Variants in BCR observed in about 807,000 individuals in gnomAD.
BCR encodes breakpoint cluster region protein.
Under a neutral mutation model 138.6 loss-of-function variants are expected in BCR, and 58 were observed. The observed-to-expected ratio is 0.42, with a 90% CI of 0.34 to 0.52. The LOEUF (loss-of-function observed/expected upper bound fraction) is 0.52, where lower values mean the gene tolerates loss of function less well. Among genes scored for constraint, BCR ranks in the 20% least tolerant of loss-of-function variants. The probability of loss-of-function intolerance (pLI) is 0.06; values close to 1 mark genes in which losing one functional copy is unlikely to be tolerated. For synonymous variants in BCR, 786 were observed against 730.1 expected, an observed-to-expected ratio of 1.08 and a Z score of -1.23; for missense variants, 1,599 against 1,727.2, an observed-to-expected ratio of 0.93 and a Z score of 1.32.
Position 23,222,345 on chromosome 22 carries a change from C to T in BCR, c.1280-31454C>T, listed in dbSNP as rs377316875. The stretch of plus-strand genomic sequence containing the variant: ...TAAGGCATAGAAAACTGTCTGATTC[C>T]GGCCGAGTTTCCAGGCTAAGTGGGA... On this transcript the variant is annotated intron_variant, in intron 1 of 22. Coordinates refer to ENST00000305877, the MANE Select transcript of BCR (RefSeq NM_004327.4). Among the ~76,000 whole-genome samples, 83 of 152,282 alleles carry T rather than the reference C, an allele frequency of 5.5e-4. No individual in the cohort carries two copies. In the East Asian group the frequency reaches 0.014, roughly 25 times the overall value.
intron 1 of BCR, among the ~76,000 whole-genome samples, chr22:23,206,967 C>G (rs867912931): frequency 2.0e-5 from 3 of 147,334 alleles, no homozygotes; most frequent in Non-Finnish European, 3.0e-5. Flanking sequence ...CCCTCCCTCC[C>G]TCCCTCCATC....
intron 8 of BCR, among the ~76,000 whole-genome samples, chr22:23,275,691 G>T (rs552950494): frequency 6.6e-6 from 1 of 152,334 alleles, no homozygotes; most frequent in East Asian, 1.9e-4. Flanking sequence ...AGTCCACACA[G>T]ATCTAAGTGG....
intron 1 of BCR, among the ~76,000 whole-genome samples, chr22:23,227,926 G>A (rs1424675465): frequency 6.6e-6 from 1 of 152,170 alleles, no homozygotes; most frequent in Non-Finnish European, 1.5e-5. Context: ...GAATGGTTAG[G>A]GGTATGGGGG....
In BCR at chr22:23,181,997, C is replaced by T. The variant is rs140119537; in HGVS notation, c.1037C>T (p.Ser346Phe). The T allele has an allele frequency of 7.2e-5, 116 of 1,613,322 alleles. No homozygotes were observed. Among genetic ancestry groups the T allele is most frequent in the Non-Finnish European group, 9.4e-5 (111 of 1,179,900 alleles). The change falls in exon 1 of 23, where the codon TCC (serine) becomes TTC (phenylalanine). Residue 346 changes from serine to phenylalanine, a missense_variant. This residue lies in a region of BCR where 806 missense variants were observed against 635.0 expected (regional missense o/e 1.27). Transcript: ENST00000305877. ...CTCACCTCCAGCGAGGAGGACTTCT[C>T]CTCTGGCCAGTCCAGCCGCGTGTCC... ...ENLTSSEEDF[S>F]SGQSSRVSPS...
At chr22:23,220,846 T>C (rs772683281) in intron 1 of BCR, among the ~76,000 whole-genome samples, 4 of 152,126 alleles carry the variant, frequency 2.6e-5, no homozygotes, top group Non-Finnish European at 5.9e-5. Context: ...TCCAGGGAGA[T>C]TTATTTCATG....
intron 1 of BCR, among the ~76,000 whole-genome samples, chr22:23,248,559 C>T (rs1381879091): frequency 1.3e-5 from 2 of 151,962 alleles, no homozygotes; most frequent in African/African-American, 4.8e-5. Flanking sequence ...TTTTGGCTGC[C>T]CTTTTTCCTT....
chr22:23,184,816 C>T (rs958678548), intron 1 of BCR, among the ~76,000 whole-genome samples: 4 of 152,182 alleles, frequency 2.6e-5, no homozygotes, highest in Non-Finnish European at 4.4e-5. Flanking sequence ...AAAGAGGAAT[C>T]CTCACTGGCT....
rs2072261696 is a variant in BCR, at chr22:23,181,561, A to G, written c.601A>G (p.Ser201Gly). The G allele has an allele frequency of 6.2e-7, 1 of 1,612,844 alleles. No individual in the cohort carries two copies. The highest frequency in any genetic ancestry group is 1.3e-5 in the African/African-American group (1 of 74,942). The change falls in exon 1 of 23, where the codon AGC becomes GGC. Residue 201 changes from serine (S) to glycine (G), a missense_variant. Coordinates refer to ENST00000305877, the MANE Select transcript of BCR (RefSeq NM_004327.4). ...CGACAAAGAGGTGTCGGACCGCATCAGCTCCCTGGGCAGCCAGGCCATGCA... is the reference window on the plus strand; with the variant it reads ...CGACAAAGAGGTGTCGGACCGCATCGGCTCCCTGGGCAGCCAGGCCATGCA... Reference protein sequence around the residue: ...VNDKEVSDRISSLGSQAMQME... With the variant: ...VNDKEVSDRIGSLGSQAMQME...
At chr22:23,305,986 G>A (rs1234089186) in intron 16 of BCR, among the ~76,000 whole-genome samples, 1 of 152,248 alleles carries the variant, frequency 6.6e-6, no homozygotes, top group Non-Finnish European at 1.5e-5. Flanking sequence ...GCACGAGAGA[G>A]CGTACCAGCC....
At chr22:23,266,690 G>A (rs2073446207) in intron 4 of BCR, among the ~76,000 whole-genome samples, 1 of 152,202 alleles carries the variant, frequency 6.6e-6, no homozygotes, top group African/African-American at 2.4e-5. Flanking sequence ...AGACAACCTT[G>A]ACATTTTTTG....
intron 14 of BCR, among the ~76,000 whole-genome samples, chr22:23,291,999 A>C (rs972627520): frequency 2.0e-5 from 3 of 151,458 alleles, no homozygotes; most frequent in Non-Finnish European, 4.4e-5. Context: ...AGCCCAGCCC[A>C]CTCTTCTCCA....
chr22:23,231,728 T>A (rs2146244185), intron 1 of BCR, among the ~76,000 whole-genome samples: 1 of 152,294 alleles, frequency 6.6e-6, no homozygotes, highest in East Asian at 1.9e-4. Context: ...CCCTGGATAC[T>A]TGGGCACCAT....
intron 1 of BCR, among the ~76,000 whole-genome samples, chr22:23,241,492 C>T (rs1421564359): frequency 6.7e-6 from 1 of 149,210 alleles, no homozygotes; most frequent in Non-Finnish European, 1.5e-5. Context: ...CCCCATGCTG[C>T]TCCCACACCA....
rs867289632 is a variant in BCR at position 23,229,618 on chromosome 22, C to A, written c.1280-24181C>A. Among the ~76,000 whole-genome samples the A allele has an allele frequency of 7.2e-5, 11 of 152,310 alleles. No homozygotes were observed. In the South Asian group the frequency reaches 2.3e-3, roughly 32 times the overall value. On this transcript the variant is annotated intron_variant, in intron 1 of 22. Transcript: ENST00000305877. The stretch of plus-strand genomic sequence containing the variant: ...ACTGAGGGATCAGTTTGAAACTGGG[C>A]AGTGATCTGTGCTGTGCTGATTCTA...
chr22:23,277,392 G>T (rs951793848), intron 8 of BCR, among the ~76,000 whole-genome samples: 2 of 152,164 alleles, frequency 1.3e-5, no homozygotes, highest in African/African-American at 4.8e-5. Flanking sequence ...GTTACTCTTT[G>T]GTTCCCTTCC....
chr22:23,189,735 C>T (rs1436356766), intron 1 of BCR, among the ~76,000 whole-genome samples: 1 of 152,094 alleles, frequency 6.6e-6, no homozygotes, highest in Non-Finnish European at 1.5e-5. Context: ...CGTTTGACCC[C>T]GTGATCCACC....
intron 4 of BCR, chr22:23,262,738 G>A (rs1034363495): frequency 1.3e-5 from 11 of 874,864 alleles, no homozygotes; most frequent in Admixed American, 1.2e-4. Context: ...GGGGCGGAGA[G>A]GCGAAGAAGC....
chr22:23,183,515 G>T (rs568451998), intron 1 of BCR, among the ~76,000 whole-genome samples: 1 of 152,170 alleles, frequency 6.6e-6, no homozygotes, highest in Non-Finnish European at 1.5e-5. Flanking sequence ...CCGACCTGCC[G>T]TCTGGCCGGG....
intron 5 of BCR, 49 bp from the exon 6 acceptor site, chr22:23,271,483 T>A (rs1360185468): frequency 6.3e-7 from 1 of 1,590,978 alleles, no homozygotes; most frequent in African/African-American, 1.3e-5. Flanking sequence ...GTCTGCATCA[T>A]CAAAGCTGCT....
Sources: gnomAD v4.1 joint callset for allele counts (sites outside exome capture counted in the v4.1 genomes callset) on GRCh38, gnomAD v4.1.1 for gene constraint, gnomAD v4.1.1 regional missense constraint, MANE v1.5 for transcripts, NCBI Gene and HGNC (gene_info 2026-07-23, HGNC 2026-07-21) for gene names.